The following ZFHX3 variants were observed in gnomAD, a reference collection of about 807,000 sequenced individuals.
The protein encoded by ZFHX3 is zinc finger homeobox 3, also known as zinc finger homeobox protein 3.
ZFHX3 carries 42 observed loss-of-function variants against 279.1 expected under a neutral mutation model. The observed-to-expected ratio is 0.15, with a 90% CI of 0.12 to 0.19. The LOEUF (loss-of-function observed/expected upper bound fraction) is 0.19, where lower values mean the gene tolerates loss of function less well. Among genes scored for constraint, ZFHX3 ranks in the 10% least tolerant of loss-of-function variants. ZFHX3 has a pLI of 1.00. For synonymous variants in ZFHX3, 2,293 were observed against 1,957.8 expected, an observed-to-expected ratio of 1.17 and a Z score of -4.52; for missense variants, 4,981 against 4,754.0, an observed-to-expected ratio of 1.05 and a Z score of -1.40.
rs561158626 is a variant in ZFHX3, at chr16:73,663,484, A to G, written c.-1547+16696T>C. ...TCTAGTTTCCAGTTCCAATTTTGCC[A>G]ACAACTTCCTGTATGATCCAAAGGA... On this transcript the variant is annotated intron_variant, in intron 2 of 17. Coordinates refer to the ZFHX3 transcript ENST00000641206. Among the ~76,000 whole-genome samples, 14 of 152,336 alleles carry G rather than the reference A, an allele frequency of 9.2e-5. No homozygotes were observed. In the South Asian group the frequency reaches 2.7e-3, roughly 29 times the overall value.
chr16:73,404,133 G>A (rs926616895), intron 3 of ZFHX3, among the ~76,000 whole-genome samples: 2 of 152,164 alleles, frequency 1.3e-5, no homozygotes, highest in African/African-American at 2.4e-5. Context: ...GGTTAGCCAA[G>A]GATCCAGTTT....
At chr16:73,046,690 C>T (rs1965314665) in intron 1 of ZFHX3, among the ~76,000 whole-genome samples, 1 of 152,074 alleles carries the variant, frequency 6.6e-6, no homozygotes, top group African/African-American at 2.4e-5. Flanking sequence ...GACTTGTCTC[C>T]AAGGATCTCA....
In ZFHX3 at chr16:72,783,295, C is replaced by G. The variant is rs3751849; in HGVS notation, c.*3869G>C. 0.013 allele frequency: 1,970 copies of G among 152,376 alleles called. 219 individuals carry two copies. The East Asian group carries it at 0.27, about 21-fold the overall frequency. 9.4% of individuals were successfully genotyped at this position (152,376 alleles called of 1,614,324 possible). A position where few individuals can be genotyped will look rare whatever the true frequency, so the allele number is the denominator to read the frequency against. ...CCTACCCAAACTTGCCCCCCTCCCC[C>G]CTGAAGAAAGTAAACAAACAAAAAA... On this transcript the variant is annotated 3_prime_UTR_variant, in exon 10 of 10. Coordinates refer to ENST00000268489, the MANE Select transcript of ZFHX3 (RefSeq NM_006885.4).
At chr16:73,451,799 A>G (rs1257131402) in intron 3 of ZFHX3, among the ~76,000 whole-genome samples, 4 of 152,240 alleles carry the variant, frequency 2.6e-5, no homozygotes, top group Admixed American at 6.5e-5. Context: ...GAAAATGACT[A>G]TAACAATAAC....
intron 3 of ZFHX3, among the ~76,000 whole-genome samples, chr16:73,362,135 T>C (rs1442288815): frequency 7.4e-6 from 1 of 134,666 alleles, no homozygotes; most frequent in Non-Finnish European, 1.6e-5. Context: ...CTCCTTGCCT[T>C]CCTTGCCAAC....
At position 72,795,675 on chromosome 16, in the gene ZFHX3, A is replaced by G. The variant is rs771231991; in HGVS notation, c.7007T>C (p.Val2336Ala). The G allele has an allele frequency of 1.9e-6, 3 of 1,614,078 alleles. No individual in the cohort carries two copies. The highest frequency in any genetic ancestry group is 2.5e-6 in the Non-Finnish European group (3 of 1,180,032). Reference sequence around the variant, plus strand: ...GATGAGATCAAAGATGCGCTGAAACACCAGGCTACATTTTTTGCACTGGTA... The same window carrying G: ...GATGAGATCAAAGATGCGCTGAAACGCCAGGCTACATTTTTTGCACTGGTA... ...LNYQCKKCSL[V>A]FQRIFDLIKH... The change falls in exon 9 of 10, where the codon GTG (valine) becomes GCG (alanine). Residue 2336 changes from valine (V) to alanine (A), a missense_variant. Coordinates refer to ENST00000268489, the MANE Select transcript of ZFHX3 (RefSeq NM_006885.4).
chr16:73,763,093 C>A (rs1413267060), intron 1 of ZFHX3, among the ~76,000 whole-genome samples: 8 of 152,080 alleles, frequency 5.3e-5, no homozygotes, highest in Admixed American at 5.2e-4. Context: ...GTCTCAAGTT[C>A]TCATACATTA....
At chr16:73,788,334 G>A (rs934871117) in intron 1 of ZFHX3, among the ~76,000 whole-genome samples, 5 of 152,130 alleles carry the variant, frequency 3.3e-5, no homozygotes, top group Non-Finnish European at 7.4e-5. Context: ...TCATCCCCTG[G>A]GCTTGGAGAG....
chr16:73,296,567 T>A (rs1488886730), intron 4 of ZFHX3, among the ~76,000 whole-genome samples: 2 of 152,162 alleles, frequency 1.3e-5, no homozygotes, highest in Non-Finnish European at 2.9e-5. Flanking sequence ...TAGACAACAA[T>A]TCCGTTAATG....
chr16:73,043,790 A>G (rs1012029546), intron 1 of ZFHX3, among the ~76,000 whole-genome samples: 4 of 152,198 alleles, frequency 2.6e-5, no homozygotes, highest in Non-Finnish European at 5.9e-5. Context: ...TATTAGCCCA[A>G]AGAAGCCCTC....
chr16:72,882,651 A>G (rs1484488811), intron 4 of ZFHX3, among the ~76,000 whole-genome samples: 1 of 152,172 alleles, frequency 6.6e-6, no homozygotes, highest in Non-Finnish European at 1.5e-5. Context: ...CCAGGGCAGC[A>G]GCGTCTGACA....
chr16:72,931,455 A>ACACACACT (rs1491325336), intron 3 of ZFHX3, among the ~76,000 whole-genome samples: 2 of 129,268 alleles, frequency 1.5e-5, no homozygotes, highest in Admixed American at 8.0e-5. Context: ...ACACACACAC[A>ACACACACT]CTCTTCAGCT....
chr16:73,566,954 C>T (rs1481647669), intron 2 of ZFHX3, among the ~76,000 whole-genome samples: 1 of 152,168 alleles, frequency 6.6e-6, no homozygotes, highest in Non-Finnish European at 1.5e-5. Flanking sequence ...CTGCCTTGGC[C>T]TCCCAAAGTG....
intron 2 of ZFHX3, among the ~76,000 whole-genome samples, chr16:73,613,774 C>T (rs1260402582): frequency 6.6e-6 from 1 of 152,166 alleles, no homozygotes; most frequent in East Asian, 1.9e-4. Context: ...CCGGCATCTG[C>T]GCATTTCACA....
rs939951051 is a variant in ZFHX3, at chr16:72,951,143, T to A, written c.2720-178A>T. Among the ~76,000 whole-genome samples the A allele has an allele frequency of 1.2e-4, 19 of 152,222 alleles. 1 individual carries two copies. The highest frequency in any genetic ancestry group is 1.1e-3 in the Admixed American group (17 of 15,290). ...AGCAAACAAACAAACACAGTCAACC[T>A]GATGTGTTTCAATCTTTCCTGCGGA... On this transcript the variant is annotated intron_variant, in intron 2 of 9. Coordinates refer to ENST00000268489, the MANE Select transcript of ZFHX3 (RefSeq NM_006885.4).
At position 72,870,029 on chromosome 16, in the gene ZFHX3, GAT is replaced by G. The variant is rs551258990; in HGVS notation, c.3448+19700_3448+19701del. On this transcript the variant is annotated intron_variant, in intron 4 of 9. Coordinates refer to ENST00000268489, the MANE Select transcript of ZFHX3 (RefSeq NM_006885.4). ...AAGCATCACATGAACCCAGTTGAAG[GAT>G]ACTTGACAAAACAGCTGACCTACAC... is the stretch of plus-strand genomic sequence containing the variant. 2.6e-3 allele frequency among the ~76,000 whole-genome samples: 394 copies of G among 152,174 alleles called. 10 individuals are homozygous for G. Among genetic ancestry groups the G allele is most frequent in the Admixed American group, 0.024 (369 of 15,286 alleles).
chr16:73,860,948 A>G (rs1961866456), intron 1 of ZFHX3, among the ~76,000 whole-genome samples: 1 of 151,220 alleles, frequency 6.6e-6, no homozygotes, highest in South Asian at 2.1e-4. Flanking sequence ...TGTAGGTTCT[A>G]TGATGGAAAT....
intron 2 of ZFHX3, among the ~76,000 whole-genome samples, chr16:73,560,306 T>C (rs2020350862): frequency 1.3e-5 from 2 of 152,072 alleles, no homozygotes; most frequent in African/African-American, 4.8e-5. Context: ...GACATACAGG[T>C]AGTGGAGGAA....
intron 2 of ZFHX3, among the ~76,000 whole-genome samples, chr16:73,580,704 C>A (rs543409080): frequency 6.6e-6 from 1 of 151,638 alleles, no homozygotes; most frequent in African/African-American, 2.4e-5. Context: ...GGTTTGCTTT[C>A]TCTCTCTGTC....
Sources: gnomAD v4.1 joint callset for allele counts (sites outside exome capture counted in the v4.1 genomes callset) on GRCh38, gnomAD v4.1.1 for gene constraint, MANE v1.5 for transcripts, NCBI Gene and HGNC (gene_info 2026-07-23, HGNC 2026-07-21) for gene names.